The following TIMD4 variants were observed in gnomAD, a reference collection of about 807,000 sequenced individuals.
TIMD4 encodes T-cell immunoglobulin and mucin domain-containing protein 4.
TIMD4 carries 31 observed loss-of-function variants against 41.2 expected under a neutral mutation model. The ratio of observed to expected loss-of-function variants is 0.75; its 90% CI spans 0.57 to 1.01. The LOEUF (loss-of-function observed/expected upper bound fraction) is 1.01, where lower values mean the gene tolerates loss of function less well. Among genes scored for constraint, TIMD4 ranks in the 50% least tolerant of loss-of-function variants. TIMD4 has a pLI of 0.00. For synonymous variants in TIMD4, 204 were observed against 177.1 expected, an observed-to-expected ratio of 1.15 and a Z score of -1.21; for missense variants, 479 against 472.5, an observed-to-expected ratio of 1.01 and a Z score of -0.13.
intron 5 of TIMD4, among the ~76,000 whole-genome samples, chr5:156,944,288 G>C (rs1381479497): frequency 6.6e-6 from 1 of 152,100 alleles, no homozygotes; most frequent in Non-Finnish European, 1.5e-5. Flanking sequence ...AGAATATTTA[G>C]AGAATTGAAT....
At chr5:156,961,472 A>C (rs1309156613) in intron 1 of TIMD4, among the ~76,000 whole-genome samples, 1 of 152,252 alleles carries the variant, frequency 6.6e-6, no homozygotes, top group African/African-American at 2.4e-5. Context: ...ATATAGAAGC[A>C]ACCTACGTGT....
At chr5:156,942,242 A>ATG (rs1418934186) in intron 5 of TIMD4, among the ~76,000 whole-genome samples, 1 of 152,206 alleles carries the variant, frequency 6.6e-6, no homozygotes, top group Non-Finnish European at 1.5e-5. Flanking sequence ...GTGAAACCTC[A>ATG]TATGTAAATA....
chr5:156,923,348 C>G (rs1759286708), intron 6 of TIMD4, among the ~76,000 whole-genome samples: 1 of 151,906 alleles, frequency 6.6e-6, no homozygotes, highest in African/African-American at 2.4e-5. Flanking sequence ...GGGTTTCCAC[C>G]ATGTTGGCTA....
At chr5:156,928,410 A>G (rs866061759) in intron 5 of TIMD4, among the ~76,000 whole-genome samples, 9 of 152,292 alleles carry the variant, frequency 5.9e-5, no homozygotes, top group Middle Eastern at 6.8e-3. Flanking sequence ...AGAAAAAAAA[A>G]GAGAAGAAAT....
chr5:156,924,326 T>C, intron 6 of TIMD4: 1 of 348,654 alleles, frequency 2.9e-6, no homozygotes, highest in African/African-American at 2.2e-5. Context: ...TTTGACATTA[T>C]CAAGAGCTAT....
chr5:156,938,206 T>A (rs146312987), intron 5 of TIMD4, among the ~76,000 whole-genome samples: 1 of 152,308 alleles, frequency 6.6e-6, no homozygotes, highest in Non-Finnish European at 1.5e-5. Flanking sequence ...GAGTGCTCAC[T>A]CCTCTTTAAA....
chr5:156,949,384 C>T (rs1397713837), intron 4 of TIMD4, among the ~76,000 whole-genome samples: 1 of 151,830 alleles, frequency 6.6e-6, no homozygotes, highest in African/African-American at 2.4e-5. Flanking sequence ...CAGAGAATTG[C>T]ACCAATCAAG....
intron 5 of TIMD4, among the ~76,000 whole-genome samples, chr5:156,936,375 T>G (rs1261404166): frequency 2.0e-5 from 3 of 152,216 alleles, no homozygotes; most frequent in Non-Finnish European, 4.4e-5. Flanking sequence ...ACTTACTGCA[T>G]GCCAAGTACA....
At chr5:156,921,484 A>T (rs908237195) in intron 7 of TIMD4, among the ~76,000 whole-genome samples, 5 of 151,710 alleles carry the variant, frequency 3.3e-5, no homozygotes, top group African/African-American at 9.7e-5. Context: ...GTCCCGTGTG[A>T]TGGCGTGAAC....
At position 156,951,796 on chromosome 5, in the gene TIMD4, A is replaced by T; in HGVS notation, c.401-6T>A. On this transcript the variant is annotated splice_region_variant and splice_polypyrimidine_tract_variant and intron_variant, in intron 2 of 8. Coordinates refer to ENST00000274532, the MANE Select transcript of TIMD4 (RefSeq NM_138379.3). ...TCTGTGCGTGGTTGTTGAGGCTGTA[A>T]CCAACAACAGACATGTTTGGCACCA... 6.2e-7 allele frequency: 1 copy of T among 1,613,762 alleles called. No individual in the cohort carries two copies. Among genetic ancestry groups the T allele is most frequent in the South Asian group, 1.1e-5 (1 of 91,048 alleles).
At chr5:156,931,339 A>G (rs1759441577) in intron 5 of TIMD4, among the ~76,000 whole-genome samples, 1 of 152,260 alleles carries the variant, frequency 6.6e-6, no homozygotes, top group Non-Finnish European at 1.5e-5. Context: ...GTGGTTCCTA[A>G]GACCTTCCAA....
intron 1 of TIMD4, among the ~76,000 whole-genome samples, chr5:156,956,020 C>T (rs2113392801): frequency 6.6e-6 from 1 of 152,252 alleles, no homozygotes; most frequent in Admixed American, 6.5e-5. Flanking sequence ...AAATATACAA[C>T]ACATGATTAA....
chr5:156,944,491 T>G (rs1238672034), intron 5 of TIMD4, among the ~76,000 whole-genome samples: 2 of 145,176 alleles, frequency 1.4e-5, no homozygotes, highest in African/African-American at 5.1e-5. Context: ...TTCAGCTGTG[T>G]GATCTTTTTT....
chr5:156,950,766 G>A (rs1445745639), intron 3 of TIMD4, among the ~76,000 whole-genome samples: 1 of 152,196 alleles, frequency 6.6e-6, no homozygotes, highest in Non-Finnish European at 1.5e-5. Flanking sequence ...AAAGGCGTCT[G>A]GAGGTCTTTC....
At chr5:156,938,518 C>T (rs950507106) in intron 5 of TIMD4, among the ~76,000 whole-genome samples, 4 of 152,178 alleles carry the variant, frequency 2.6e-5, no homozygotes, top group African/African-American at 7.2e-5. Context: ...TCTTCTCCCA[C>T]CTCCTAGAGG....
chr5:156,954,276 C>G, intron 2 of TIMD4, 139 bp downstream of exon 2: 1 of 851,528 alleles, frequency 1.2e-6, no homozygotes, highest in Non-Finnish European at 1.8e-6. Flanking sequence ...TACTTCAAAC[C>G]ACGGCACTTT....
intron 3 of TIMD4, among the ~76,000 whole-genome samples, chr5:156,950,032 G>A (rs751332424): frequency 6.6e-6 from 1 of 152,132 alleles, no homozygotes; most frequent in Non-Finnish European, 1.5e-5. Flanking sequence ...TGGCTGGGAT[G>A]GTCTCAAACC....
In TIMD4 at chr5:156,953,653, C is replaced by CAAAA. The variant is rs35165963; in HGVS notation, c.400+758_400+761dup. On this transcript the variant is annotated intron_variant, in intron 2 of 8. Transcript: ENST00000274532. ...TGGGCAACAAGAGCAAAACTCTGTC[C>CAAAA]AAAAAAAAAAAAAAAAAAAAAAGAG... Among the ~76,000 whole-genome samples the CAAAA allele has an allele frequency of 7.1e-3, 415 of 58,048 alleles. 7 individuals are homozygous for CAAAA. Among genetic ancestry groups the CAAAA allele is most frequent in the Non-Finnish European group, 0.01 (317 of 31,624 alleles). 38.1% of individuals were successfully genotyped at this position (58,048 alleles called of 152,430 possible).
chr5:156,940,488 C>T (rs1333572036), intron 5 of TIMD4, among the ~76,000 whole-genome samples: 1 of 151,362 alleles, frequency 6.6e-6, no homozygotes, highest in South Asian at 2.1e-4. Context: ...TCTTCCCGGC[C>T]GCCGCCCCGT....
Sources: allele counts gnomAD v4.1 joint callset (sites outside exome capture counted in the v4.1 genomes callset), GRCh38; gene constraint gnomAD v4.1.1; transcripts MANE v1.5; gene names NCBI Gene and HGNC (gene_info 2026-07-23, HGNC 2026-07-21).